ACOX3: variants seen among roughly 807,000 people sequenced by gnomAD.
The protein encoded by ACOX3 is peroxisomal acyl-coenzyme A oxidase 3.
A neutral mutation model predicts 81.5 loss-of-function variants in ACOX3; 73 were observed. The ratio of observed to expected loss-of-function variants is 0.90; its 90% CI spans 0.74 to 1.09. The LOEUF (loss-of-function observed/expected upper bound fraction) is 1.09. ACOX3 is among the 50% of genes least tolerant of loss of function. ACOX3 has a pLI of 0.00. For synonymous variants in ACOX3, 387 were observed against 375.1 expected, an observed-to-expected ratio of 1.03 and a Z score of -0.37; for missense variants, 947 against 928.0, an observed-to-expected ratio of 1.02 and a Z score of -0.27.
Position 8,396,917 on chromosome 4 carries a change from G to A in ACOX3, c.1056+20C>T. 1 of 1,603,638 alleles carries A rather than the reference G, an allele frequency of 6.2e-7. No individual in the cohort carries two copies. The highest frequency in any genetic ancestry group is 1.7e-5 in the Admixed American group (1 of 58,004). On this transcript the variant is annotated intron_variant, in intron 9 of 17. Coordinates refer to ENST00000356406, the MANE Select transcript of ACOX3 (RefSeq NM_003501.3). Reference sequence around the variant, plus strand: ...ATATAAAATAGAGAGACAGTGAAAGGATGCTTGAAAACCTCATACCTGCAT... The same window carrying A: ...ATATAAAATAGAGAGACAGTGAAAGAATGCTTGAAAACCTCATACCTGCAT...
chr4:8,394,623 T>C lies in ACOX3; in HGVS notation c.1176A>G (p.Arg392=). Residue 392 remains arginine, a synonymous_variant, in exon 10 of 18, where the codon AGA becomes AGG. Coordinates refer to ENST00000356406, the MANE Select transcript of ACOX3 (RefSeq NM_003501.3). The surrounding 1 kb of genome is among the most constrained non-coding windows in gnomAD (Gnocchi z 5.9). ...GAGGAAGCAGACACCACCTCACCTG[T>C]CTGGCGCTGCGGTCTCCCGATGCAA... The part of the protein sequence containing the change: ...RGLASGDRSA[R]QAELGREIHA... 1 of 1,613,540 alleles carries C rather than the reference T, an allele frequency of 6.2e-7. No individual in the cohort carries two copies. Among genetic ancestry groups the C allele is most frequent in the Non-Finnish European group, 8.5e-7 (1 of 1,179,898 alleles).
At chr4:8,366,131 T>C (rs1715419053), downstream of ACOX3, among the ~76,000 whole-genome samples, 1 of 152,180 alleles carries the variant, frequency 6.6e-6, no homozygotes, top group South Asian at 2.1e-4. Flanking sequence ...GCCAAGCCCA[T>C]GGCCCTGCAG....
At chr4:8,373,504 C>T (rs550877853) in intron 16 of ACOX3, 57 bp downstream of exon 16, 29 of 1,579,764 alleles carry the variant, frequency 1.8e-5, no homozygotes, top group East Asian at 6.8e-5. Context: ...GGATGCGTGT[C>T]GCTCTGGGCG....
the ACOX3 span, among the ~76,000 whole-genome samples, chr4:8,358,706 C>T: frequency 1.3e-5 from 2 of 152,204 alleles, no homozygotes; most frequent in African/African-American, 2.4e-5. Flanking sequence ...CACTGCTACA[C>T]TCCCACCAGC....
chr4:8,370,980 T>A lies in ACOX3; in HGVS notation c.1911A>T (p.Ala637=). The A allele has an allele frequency of 6.2e-7, 1 of 1,614,084 alleles. No homozygotes were observed. The highest frequency in any genetic ancestry group is 1.3e-5 in the African/African-American group (1 of 75,046). ...GAGCGATCACGTCTACCAGGGCAAC[T>A]GCATCGTCTTTCAGCTGTTGGAAAA... ...LALCSQLKDD[A]VALVDVIAPP... Residue 637 remains alanine, a synonymous_variant, in exon 17 of 18, where the codon GCA becomes GCT. Coordinates refer to ENST00000356406, the MANE Select transcript of ACOX3 (RefSeq NM_003501.3). The surrounding 1 kb of genome is among the most constrained non-coding windows in gnomAD (Gnocchi z 6.3).
rs1012410512 is a variant in ACOX3, at chr4:8,385,293, TCCC to T, written c.1538-3689_1538-3687del. Reference sequence around the variant, plus strand: ...CATGCACTCCACGTGACCTCACCGCTCCCCCACGTGACTCCACCGCTCACCTGT... The same window carrying T: ...CATGCACTCCACGTGACCTCACCGCTCCACGTGACTCCACCGCTCACCTGT... On this transcript the variant is annotated intron_variant, in intron 13 of 17. Transcript: ENST00000356406. This position sits in a 1 kb window ranked among gnomAD's most constrained non-coding sequence, Gnocchi z 5.5. Among the ~76,000 whole-genome samples, 29 of 150,144 alleles carry T rather than the reference TCCC, an allele frequency of 1.9e-4. No homozygotes were observed. The highest frequency in any genetic ancestry group is 2.6e-4 in the Admixed American group (4 of 15,130).
At position 8,399,707 on chromosome 4, in the gene ACOX3, C is replaced by T; in HGVS notation, c.777-55G>A. The T allele has an allele frequency of 6.6e-7, 1 of 1,520,706 alleles. No individual in the cohort carries two copies. Among genetic ancestry groups the T allele is most frequent in the African/African-American group, 1.4e-5 (1 of 72,896 alleles). 94.2% of individuals were successfully genotyped at this position (1,520,706 alleles called of 1,614,324 possible). A position where few individuals can be genotyped will look rare whatever the true frequency, so the allele number is the denominator to read the frequency against. ...ACAGGGGTCCTGCCCTGAGGCTCTT[C>T]TCTTCTCCAAGGGCAGCCTAAAAGC... On this transcript the variant is annotated intron_variant, in intron 7 of 17. Coordinates refer to ENST00000356406, the MANE Select transcript of ACOX3 (RefSeq NM_003501.3). The surrounding 1 kb of genome is among the most constrained non-coding windows in gnomAD (Gnocchi z 4.9).
intron 3 of ACOX3, among the ~76,000 whole-genome samples, chr4:8,415,237 A>C (rs558794012): frequency 5.3e-5 from 8 of 152,304 alleles, no homozygotes; most frequent in African/African-American, 1.9e-4. Context: ...GCCTGCAAGG[A>C]GTCCTGGGGG....
chr4:8,405,833 C>A lies in ACOX3; in HGVS notation c.776+122G>T. 1 of 1,007,792 alleles carries A rather than the reference C, an allele frequency of 9.9e-7. No individual in the cohort carries two copies. Among genetic ancestry groups the A allele is most frequent in the Non-Finnish European group, 1.6e-6 (1 of 644,934 alleles). The allele number at this position is 1,007,792 out of a possible 1,614,324, so 62.4% of individuals were successfully genotyped here. Reference sequence around the variant, plus strand: ...ACGGGGGCTAGGCGTAGGTCCCCACCGCATTTGAGTCTAAGAGGGCAGGGC... The same window carrying A: ...ACGGGGGCTAGGCGTAGGTCCCCACAGCATTTGAGTCTAAGAGGGCAGGGC... On this transcript the variant is annotated intron_variant, in intron 7 of 17. Coordinates refer to ENST00000356406, the MANE Select transcript of ACOX3 (RefSeq NM_003501.3). This position sits in a 1 kb window ranked among gnomAD's most constrained non-coding sequence, Gnocchi z 7.1.
Position 8,384,529 on chromosome 4 carries a change from T to C in ACOX3, c.1538-2922A>G, listed in dbSNP as rs1044155532. 6.6e-6 allele frequency among the ~76,000 whole-genome samples: 1 copy of C among 152,158 alleles called. No individual in the cohort carries two copies. On this transcript the variant is annotated intron_variant, in intron 13 of 17. Coordinates refer to ENST00000356406, the MANE Select transcript of ACOX3 (RefSeq NM_003501.3). This position sits in a 1 kb window ranked among gnomAD's most constrained non-coding sequence, Gnocchi z 5.3. ...TGTCCTCAAGACTCTCCCAGAATCC[T>C]GGGTCACCACGGCCTTTCCATGTGC...
In ACOX3 at chr4:8,389,728, C is replaced by A. The variant is rs199993833; in HGVS notation, c.1307G>T (p.Arg436Leu). The A allele has an allele frequency of 1.1e-5, 17 of 1,613,688 alleles. No homozygotes were observed. Among genetic ancestry groups the A allele is most frequent in the South Asian group, 2.2e-5 (2 of 91,050 alleles). ...CGGHGYLAMN[R>L]LGVLRDDNDP... ...GTTGTCATCTCTAAGGACACCCAAC[C>A]GGTTCACTGCAACAAAGCCACAATA... The change falls in exon 12 of 18, where the codon CGG becomes CTG. Residue 436 changes from arginine (R) to leucine (L), a missense_variant. Physicochemically the swap from Arg to Leu is moderately radical, Grantham distance 102. Transcript: ENST00000356406. This position sits in a 1 kb window ranked among gnomAD's most constrained non-coding sequence, Gnocchi z 5.3.
chr4:8,405,847 A>C lies in ACOX3; in HGVS notation c.776+108T>G. On this transcript the variant is annotated intron_variant, in intron 7 of 17. Transcript: ENST00000356406. The surrounding 1 kb of genome is among the most constrained non-coding windows in gnomAD (Gnocchi z 7.1). ...TAGGTCCCCACCGCATTTGAGTCTA[A>C]GAGGGCAGGGCATGGCATCCATGGG... 1 of 1,144,952 alleles carries C rather than the reference A, an allele frequency of 8.7e-7. No individual in the cohort carries two copies. The highest frequency in any genetic ancestry group is 1.3e-6 in the Non-Finnish European group (1 of 761,240). The allele number at this position is 1,144,952 out of a possible 1,614,324, so 70.9% of individuals were successfully genotyped here.
chr4:8,361,126 T>C, the ACOX3 span, among the ~76,000 whole-genome samples: 12 of 151,792 alleles, frequency 7.9e-5, no homozygotes, highest in African/African-American at 2.9e-4. Context: ...GATTAAAGAG[T>C]TAAAGAATTG....
At chr4:8,355,975 G>A in the ACOX3 span, 1 of 170,584 alleles carries the variant, frequency 5.9e-6, no homozygotes, top group Non-Finnish European at 1.3e-5. Context: ...AATCTATACA[G>A]AAGACACCAA....
rs1218130846 is a variant in ACOX3, at chr4:8,431,646, C to T, written c.-15+9002G>A. ...TGTTAGCTATTTCTGGGTGAAACCA[C>T]CAGGAGCTGCACGTGGACCCCTAGT... On this transcript the variant is annotated intron_variant, in intron 1 of 17. Coordinates refer to ENST00000356406, the MANE Select transcript of ACOX3 (RefSeq NM_003501.3). The surrounding 1 kb of genome is among the most constrained non-coding windows in gnomAD (Gnocchi z 5.3). Among the ~76,000 whole-genome samples, 1 of 152,242 alleles carries T rather than the reference C, an allele frequency of 6.6e-6. No individual in the cohort carries two copies. The highest frequency in any genetic ancestry group is 2.4e-5 in the African/African-American group (1 of 41,472).
chr4:8,423,702 A>G lies in ACOX3; in HGVS notation c.-14-7167T>C, dbSNP rs1046329131. The stretch of plus-strand genomic sequence containing the variant: ...TGCTTTCCCAAATACCAGAGGAAGC[A>G]GAGTGGTTTACAGTCCTGGACCTTA... On this transcript the variant is annotated intron_variant, in intron 1 of 17. Transcript: ENST00000356406. The surrounding 1 kb of genome is among the most constrained non-coding windows in gnomAD (Gnocchi z 4.2). Among the ~76,000 whole-genome samples the G allele has an allele frequency of 1.3e-5, 2 of 152,214 alleles. No individual in the cohort carries two copies. The highest frequency in any genetic ancestry group is 2.9e-5 in the Non-Finnish European group (2 of 68,030).
At chr4:8,363,645 C>G (rs1715277580), downstream of ACOX3, among the ~76,000 whole-genome samples, 1 of 152,152 alleles carries the variant, frequency 6.6e-6, no homozygotes, top group Admixed American at 6.5e-5. Context: ...GAGGCTGAGA[C>G]CTACTGGGCT....
rs1720912413 is a variant in ACOX3 at position 8,406,044 on chromosome 4, C to G, written c.688-1G>C. On this transcript the variant is annotated splice_acceptor_variant, in intron 6 of 17. Transcript: ENST00000356406. LOFTEE classifies it high-confidence loss of function. The surrounding 1 kb of genome is among the most constrained non-coding windows in gnomAD (Gnocchi z 5.6). ...GAAGAAGGGTCTTCGGGTCCCGGAT[C>G]TATACAAAGCCACAGAAAGCAGCAA... 3 of 1,613,936 alleles carry G rather than the reference C, an allele frequency of 1.9e-6. No homozygotes were observed. The African/African-American group carries it at 4.0e-5, about 22-fold the overall frequency.
At chr4:8,402,607 C>A (rs1720491717) in intron 7 of ACOX3, among the ~76,000 whole-genome samples, 1 of 152,186 alleles carries the variant, frequency 6.6e-6, no homozygotes, top group Non-Finnish European at 1.5e-5. Flanking sequence ...AGCAAACTTC[C>A]ACGAATTCTC....
Sources: gnomAD v4.1 joint callset for allele counts (sites outside exome capture counted in the v4.1 genomes callset) on GRCh38, gnomAD v4.1.1 for gene constraint, Gnocchi (gnomAD v3.1) non-coding constraint, MANE v1.5 for transcripts, NCBI Gene and HGNC (gene_info 2026-07-23, HGNC 2026-07-21) for gene names.